TRIM2: variants seen among roughly 807,000 people sequenced by gnomAD.
TRIM2 encodes tripartite motif containing 2.
A neutral mutation model predicts 75.2 loss-of-function variants in TRIM2; 20 were observed. That is an observed-to-expected ratio of 0.27 (90% CI 0.19 to 0.39). The LOEUF (loss-of-function observed/expected upper bound fraction) is 0.39, where lower values mean the gene tolerates loss of function less well. Among genes scored for constraint, TRIM2 ranks in the 10% least tolerant of loss-of-function variants. The pLI is 1.00. For missense variants in TRIM2, 660 were observed against 990.8 expected, an observed-to-expected ratio of 0.67 and a Z score of 4.48; for synonymous variants, 373 against 388.3, an observed-to-expected ratio of 0.96 and a Z score of 0.46.
chr4:153,263,813 C>T (rs1754205792), intron 1 of TRIM2, among the ~76,000 whole-genome samples: 1 of 152,166 alleles, frequency 6.6e-6, no homozygotes, highest in Non-Finnish European at 1.5e-5. Context: ...GCTTTATAGG[C>T]AGATGGCCCA....
chr4:153,320,725 C>T (rs757682503), intron 8 of TRIM2, among the ~76,000 whole-genome samples: 18 of 152,110 alleles, frequency 1.2e-4, no homozygotes, highest in Admixed American at 2.0e-4. Context: ...CTTCATCTCC[C>T]AGGTTCAAGT....
rs144898137 is a variant in TRIM2 at position 153,294,713 on chromosome 4, T to C, written c.786+228T>C. ...TAATTTGACAAGAGGCAAGGTTGAA[T>C]ATAATGTAATGCTTTTAGCATTTAG... On this transcript the variant is annotated intron_variant, in intron 5 of 11. Coordinates refer to ENST00000338700, the MANE Select transcript of TRIM2 (RefSeq NM_015271.5). Among the ~76,000 whole-genome samples, 123 of 152,342 alleles carry C rather than the reference T, an allele frequency of 8.1e-4. 1 individual carries two copies. The highest frequency in any genetic ancestry group is 6.9e-3 in the Admixed American group (105 of 15,294).
chr4:153,222,876 A>C (rs11937069), intron 1 of TRIM2: 21,025 of 152,856 alleles, frequency 0.14, 1,553 homozygotes, highest in Admixed American at 0.21. Flanking sequence ...GAGGAGGCGG[A>C]GAGGAGCGGG....
chr4:153,228,755 G>C (rs1224476737), intron 1 of TRIM2, among the ~76,000 whole-genome samples: 1 of 152,264 alleles, frequency 6.6e-6, no homozygotes, highest in Non-Finnish European at 1.5e-5. Flanking sequence ...GGCAGTCATA[G>C]TCATGTACAA....
chr4:153,305,253 G>A (rs995409043), intron 6 of TRIM2, among the ~76,000 whole-genome samples: 5 of 151,982 alleles, frequency 3.3e-5, no homozygotes, highest in South Asian at 2.1e-4. Context: ...TCAGTGCCTC[G>A]GTTTCCTTTA....
At chr4:153,208,456 CAATA>C (rs1241530962) in intron 1 of TRIM2, among the ~76,000 whole-genome samples, 1 of 151,706 alleles carries the variant, frequency 6.6e-6, no homozygotes, top group African/African-American at 2.4e-5. Context: ...ATTTAATAAA[CAATA>C]AATAAATCTA....
At chr4:153,184,920 C>G (rs891757944) in intron 1 of TRIM2, among the ~76,000 whole-genome samples, 3 of 152,156 alleles carry the variant, frequency 2.0e-5, no homozygotes, top group Non-Finnish European at 4.4e-5. Flanking sequence ...GCACTCCAGC[C>G]TGGGTGACAG....
intron 3 of TRIM2, among the ~76,000 whole-genome samples, chr4:153,280,852 T>C (rs537241836): frequency 2.0e-4 from 30 of 152,116 alleles, no homozygotes; most frequent in Non-Finnish European, 3.5e-4. Context: ...ACTTGGCTAA[T>C]TTTTTGTGTT....
At chr4:153,306,962 C>T (rs1450068970) in intron 6 of TRIM2, among the ~76,000 whole-genome samples, 1 of 152,186 alleles carries the variant, frequency 6.6e-6, no homozygotes, top group Non-Finnish European at 1.5e-5. Flanking sequence ...ACAATGATTC[C>T]TCTTCATTGA....
chr4:153,336,932 T>A lies in TRIM2; in HGVS notation c.*1966T>A, dbSNP rs1380698896. The A allele has an allele frequency of 9.1e-6, 9 of 984,520 alleles. No individual in the cohort carries two copies. The highest frequency in any genetic ancestry group is 1.7e-5 in the African/African-American group (1 of 57,222). The allele number at this position is 984,520 out of a possible 1,614,324, so 61.0% of individuals were successfully genotyped here. Reference sequence around the variant, plus strand: ...TAGAATGTTAAATGAAGACACTGTTTCCTAACATCAGTGAGATACATCTTT... The same window carrying A: ...TAGAATGTTAAATGAAGACACTGTTACCTAACATCAGTGAGATACATCTTT... On this transcript the variant is annotated 3_prime_UTR_variant, in exon 12 of 12. Transcript: ENST00000338700.
At chr4:153,257,143 G>A (rs1347343071) in intron 1 of TRIM2, among the ~76,000 whole-genome samples, 1 of 152,090 alleles carries the variant, frequency 6.6e-6, no homozygotes, top group African/African-American at 2.4e-5. Context: ...CACTCCCTTC[G>A]TCTGATTTGT....
intron 1 of TRIM2, among the ~76,000 whole-genome samples, chr4:153,255,665 C>T (rs1751915361): frequency 6.6e-6 from 1 of 152,186 alleles, no homozygotes; most frequent in South Asian, 2.1e-4. Flanking sequence ...TTTATAGCAG[C>T]ACTGTTCATA....
intron 3 of TRIM2, among the ~76,000 whole-genome samples, chr4:153,277,917 C>A (rs1002296916): frequency 1.3e-5 from 2 of 152,226 alleles, no homozygotes; most frequent in African/African-American, 4.8e-5. Context: ...ATGACCACTT[C>A]TCACACTGGT....
At chr4:153,166,149 A>G (rs751687471) in intron 1 of TRIM2, among the ~76,000 whole-genome samples, 2 of 152,046 alleles carry the variant, frequency 1.3e-5, no homozygotes, top group Non-Finnish European at 2.9e-5. Flanking sequence ...TCACGGATGC[A>G]ATAGCTTTTT....
chr4:153,276,699 T>C (rs1320433402), intron 3 of TRIM2, among the ~76,000 whole-genome samples: 1 of 152,234 alleles, frequency 6.6e-6, no homozygotes, highest in Non-Finnish European at 1.5e-5. Flanking sequence ...TCACAATAGC[T>C]ATGTAACCTG....
At chr4:153,284,855 T>C (rs1039690787) in intron 3 of TRIM2, among the ~76,000 whole-genome samples, 3 of 152,230 alleles carry the variant, frequency 2.0e-5, no homozygotes, top group Admixed American at 1.3e-4. Context: ...CCTTATCAGA[T>C]ATATGACTAG....
At chr4:153,302,188 C>T (rs969956107) in intron 6 of TRIM2, among the ~76,000 whole-genome samples, 1 of 152,014 alleles carries the variant, frequency 6.6e-6, no homozygotes, top group Non-Finnish European at 1.5e-5. Context: ...CTTTTACCTC[C>T]TTGGTTAAAT....
At chr4:153,185,141 T>C (rs1732467625) in intron 1 of TRIM2, among the ~76,000 whole-genome samples, 1 of 152,248 alleles carries the variant, frequency 6.6e-6, no homozygotes, top group Non-Finnish European at 1.5e-5. Context: ...TGTGTATGTA[T>C]TGAATGAATT....
intron 1 of TRIM2, among the ~76,000 whole-genome samples, chr4:153,236,455 C>T (rs1328540549): frequency 2.0e-5 from 3 of 152,154 alleles, no homozygotes; most frequent in Non-Finnish European, 4.4e-5. Flanking sequence ...CTAAAGCCCT[C>T]TCAAATGCTA....
Sources: allele counts gnomAD v4.1 joint callset (sites outside exome capture counted in the v4.1 genomes callset), GRCh38; gene constraint gnomAD v4.1.1; transcripts MANE v1.5; gene names NCBI Gene and HGNC (gene_info 2026-07-23, HGNC 2026-07-21).